Variants in ESRRG observed in about 807,000 individuals in gnomAD.
The protein encoded by ESRRG is estrogen related receptor gamma.
A neutral mutation model predicts 44.0 loss-of-function variants in ESRRG; 13 were observed. That is an observed-to-expected ratio of 0.30 (90% confidence interval 0.19 to 0.47). The LOEUF (loss-of-function observed/expected upper bound fraction) is 0.47. ESRRG is among the 20% of genes least tolerant of loss of function. The pLI, the probability that ESRRG is intolerant of heterozygous loss-of-function variation, is 1.00. For missense variants in ESRRG, 395 were observed against 580.6 expected (o/e 0.68, Z 3.29); for synonymous variants, 215 against 214.6 (o/e 1.00, Z -0.02).
At chr1:216,822,112 G>A (rs2095310346) in intron 2 of ESRRG, among the ~76,000 whole-genome samples, 1 of 152,078 alleles carries the variant, frequency 6.6e-6, no homozygotes, top group Non-Finnish European at 1.5e-5. Flanking sequence ...TATAAAGATG[G>A]AGATGTATTT....
intron 1 of ESRRG, among the ~76,000 whole-genome samples, chr1:217,043,259 C>T (rs1361829272): frequency 6.6e-6 from 1 of 152,128 alleles, no homozygotes; most frequent in Non-Finnish European, 1.5e-5. Flanking sequence ...AAGCTGCCCT[C>T]ACCAACTGCA....
intron 2 of ESRRG, among the ~76,000 whole-genome samples, chr1:216,923,893 G>T (rs2149741641): frequency 6.6e-6 from 1 of 152,278 alleles, no homozygotes; most frequent in South Asian, 2.1e-4. Context: ...AGCCATTACT[G>T]CACCACCAGG....
chr1:217,016,351 A>T (rs1271060684), intron 1 of ESRRG, among the ~76,000 whole-genome samples: 2 of 152,076 alleles, frequency 1.3e-5, no homozygotes, highest in Admixed American at 6.6e-5. Flanking sequence ...TTTGGCTCTC[A>T]TGTGATCCGA....
chr1:216,994,030 T>C (rs1194703664), intron 1 of ESRRG, among the ~76,000 whole-genome samples: 1 of 152,236 alleles, frequency 6.6e-6, no homozygotes, highest in African/African-American at 2.4e-5. Flanking sequence ...CTCGTTTTAC[T>C]CCTTGCAAAG....
intron 1 of ESRRG, among the ~76,000 whole-genome samples, chr1:217,072,079 G>C (rs1236828101): frequency 2.6e-5 from 4 of 152,114 alleles, no homozygotes; most frequent in Non-Finnish European, 5.9e-5. Flanking sequence ...TGTAATTATT[G>C]ATGTTCAGTA....
At chr1:216,618,196 T>C (rs1039974394) in intron 3 of ESRRG, among the ~76,000 whole-genome samples, 13 of 152,204 alleles carry the variant, frequency 8.5e-5, no homozygotes, top group African/African-American at 2.9e-4. Flanking sequence ...AAATCACACA[T>C]TGAATTTGAG....
At chr1:216,584,469 G>T (rs2149865162) in intron 3 of ESRRG, among the ~76,000 whole-genome samples, 1 of 152,094 alleles carries the variant, frequency 6.6e-6, no homozygotes, top group Non-Finnish European at 1.5e-5. Flanking sequence ...TGTTGGCCAG[G>T]ATGGTCTCGA....
intron 2 of ESRRG, among the ~76,000 whole-genome samples, chr1:216,794,314 G>A (rs1359652672): frequency 1.3e-5 from 2 of 152,184 alleles, no homozygotes; most frequent in African/African-American, 4.8e-5. Context: ...CTAAAGGTAA[G>A]TATCACTTGG....
rs185347581 is a variant in ESRRG at position 216,538,624 on chromosome 1, A to G, written c.863-19203T>C. Among the ~76,000 whole-genome samples, 4 of 152,200 alleles carry G rather than the reference A, an allele frequency of 2.6e-5. No homozygotes were observed. The East Asian group carries it at 7.8e-4, about 30-fold the overall frequency. ...TTGAGAGAGAAAACGCAGCAAATGC[A>G]TCCCCTAGTTTAAAAAGAACAAGCT... On this transcript the variant is annotated intron_variant, in intron 5 of 6. Coordinates refer to ENST00000408911, the MANE Select transcript of ESRRG (RefSeq NM_001438.4).
chr1:216,721,519 A>G (rs1023463331), intron 1 of ESRRG, among the ~76,000 whole-genome samples: 1 of 152,238 alleles, frequency 6.6e-6, no homozygotes, highest in African/African-American at 2.4e-5. Flanking sequence ...AAAGAAAGCT[A>G]GTTTGAATCT....
At chr1:216,848,469 C>T (rs1265258657) in intron 2 of ESRRG, among the ~76,000 whole-genome samples, 1 of 151,962 alleles carries the variant, frequency 6.6e-6, no homozygotes, top group Non-Finnish European at 1.5e-5. Flanking sequence ...AACTTAAGCC[C>T]TAAGGGCTAG....
intron 3 of ESRRG, among the ~76,000 whole-genome samples, chr1:216,636,990 A>G (rs1420368628): frequency 2.6e-5 from 4 of 152,186 alleles, no homozygotes; most frequent in Non-Finnish European, 5.9e-5. Context: ...CCAGATCCTA[A>G]TTAATGACTG....
chr1:216,750,061 A>T (rs1370089581), intron 2 of ESRRG, among the ~76,000 whole-genome samples: 5 of 152,184 alleles, frequency 3.3e-5, no homozygotes, highest in Admixed American at 3.3e-4. Flanking sequence ...AAATGAATCA[A>T]CCAACCTTCC....
chr1:216,741,197 T>C (rs1377865589), intron 2 of ESRRG, among the ~76,000 whole-genome samples: 2 of 143,062 alleles, frequency 1.4e-5, no homozygotes, highest in African/African-American at 5.2e-5. Flanking sequence ...ATATTTATAT[T>C]TATAATTTAT....
At chr1:216,547,615 A>T (rs1341410851) in intron 5 of ESRRG, among the ~76,000 whole-genome samples, 13 of 152,056 alleles carry the variant, frequency 8.5e-5, no homozygotes, top group Admixed American at 8.5e-4. Context: ...AAAGATGTAA[A>T]TTTTATTCTT....
chr1:216,859,002 A>G (rs1440727262), intron 2 of ESRRG, among the ~76,000 whole-genome samples: 1 of 152,204 alleles, frequency 6.6e-6, no homozygotes, highest in Middle Eastern at 3.2e-3. Flanking sequence ...AAATAAGTCC[A>G]TGTATAATGT....
chr1:216,607,953 A>G (rs75462733), intron 3 of ESRRG, among the ~76,000 whole-genome samples: 2,683 of 152,326 alleles, frequency 0.018, 83 homozygotes, highest in African/African-American at 0.061. Flanking sequence ...TACTCTGTTG[A>G]AAGAAGAGGG....
At chr1:216,524,988 C>A (rs549720692) in intron 5 of ESRRG, among the ~76,000 whole-genome samples, 1 of 152,274 alleles carries the variant, frequency 6.6e-6, no homozygotes, top group South Asian at 2.1e-4. Context: ...ATTACATAAA[C>A]AACCAAATGA....
intron 3 of ESRRG, among the ~76,000 whole-genome samples, chr1:216,600,135 C>T (rs530583997): frequency 6.6e-6 from 1 of 152,290 alleles, no homozygotes; most frequent in African/African-American, 2.4e-5. Flanking sequence ...GGAGAAACTT[C>T]TGGTCTGATA....
Sources: gnomAD v4.1 joint callset for allele counts (sites outside exome capture counted in the v4.1 genomes callset) on GRCh38, gnomAD v4.1.1 for gene constraint, MANE v1.5 for transcripts, NCBI Gene and HGNC (gene_info 2026-07-23, HGNC 2026-07-21) for gene names.